Variants in SPAG16 observed in about 807,000 individuals in gnomAD.
SPAG16 encodes the protein sperm-associated antigen 16 protein.
Under a neutral mutation model 80.4 loss-of-function variants are expected in SPAG16, and 86 were observed. The ratio of observed to expected loss-of-function variants is 1.07; its 90% CI spans 0.90 to 1.28. SPAG16 has a LOEUF of 1.28. Ranked by LOEUF, SPAG16 falls within the 50% of genes most tolerant of loss-of-function variation. SPAG16 has a pLI of 0.00. For missense variants in SPAG16, 870 were observed against 765.3 expected (o/e 1.14, Z -1.61); for synonymous variants, 294 against 265.9 (o/e 1.11, Z -1.03).
intron 10 of SPAG16, among the ~76,000 whole-genome samples, chr2:213,809,013 A>T (rs990923083): frequency 1.3e-5 from 2 of 152,178 alleles, no homozygotes; most frequent in African/African-American, 4.8e-5. Context: ...AAAGATGTAA[A>T]AGGGCCTCTT....
At chr2:213,720,995 G>A (rs919203954) in intron 10 of SPAG16, among the ~76,000 whole-genome samples, 2 of 151,918 alleles carry the variant, frequency 1.3e-5, no homozygotes, top group East Asian at 1.9e-4. Flanking sequence ...CTCGTGATCC[G>A]CCCACCTCAG....
At position 214,024,636 on chromosome 2, in the gene SPAG16, T is replaced by C. The variant is rs76524910; in HGVS notation, c.1527+10559T>C. The stretch of plus-strand genomic sequence containing the variant: ...CCTTCTTTTGAATAATATCAGTGAG[T>C]ATTTCTTCCTTTTATTCAGATTGAT... On this transcript the variant is annotated intron_variant, in intron 13 of 15. Transcript: ENST00000331683. Among the ~76,000 whole-genome samples, 168 of 151,704 alleles carry C rather than the reference T, an allele frequency of 1.1e-3. 1 individual carries two copies. Among genetic ancestry groups the C allele is most frequent in the Non-Finnish European group, 1.7e-3 (113 of 67,622 alleles).
At chr2:213,360,004 T>C (rs999694243) in intron 7 of SPAG16, among the ~76,000 whole-genome samples, 1 of 152,122 alleles carries the variant, frequency 6.6e-6, no homozygotes. Context: ...ATAAATAAAA[T>C]GGAGAAGTTA....
chr2:214,319,754 C>T (rs1695971319), intron 15 of SPAG16, among the ~76,000 whole-genome samples: 1 of 152,124 alleles, frequency 6.6e-6, no homozygotes, highest in Admixed American at 6.6e-5. Context: ...TCATACAATG[C>T]CTGGAACACA....
intron 10 of SPAG16, among the ~76,000 whole-genome samples, chr2:213,682,867 G>A (rs13026541): frequency 0.27 from 41,479 of 152,094 alleles, 6,457 homozygotes; most frequent in Middle Eastern, 0.41. Flanking sequence ...TAAAATTGCT[G>A]TGTTTGTCCT....
At chr2:213,839,278 C>A (rs1266017113) in intron 10 of SPAG16, among the ~76,000 whole-genome samples, 2 of 152,162 alleles carry the variant, frequency 1.3e-5, no homozygotes, top group Non-Finnish European at 2.9e-5. Flanking sequence ...TTAGTTGAAT[C>A]TTTTGCTCTT....
chr2:213,442,321 C>A (rs902643237), intron 9 of SPAG16, among the ~76,000 whole-genome samples: 7 of 152,138 alleles, frequency 4.6e-5, no homozygotes, highest in African/African-American at 1.7e-4. Context: ...TAGCAAGACT[C>A]AATATTGTCA....
chr2:214,074,600 C>T (rs890285840), intron 13 of SPAG16, among the ~76,000 whole-genome samples: 2 of 151,952 alleles, frequency 1.3e-5, no homozygotes, highest in Admixed American at 6.5e-5. Flanking sequence ...CATTCATTAA[C>T]GCCATTATGA....
At chr2:214,214,860 T>C (rs1048567523) in intron 15 of SPAG16, among the ~76,000 whole-genome samples, 1 of 151,226 alleles carries the variant, frequency 6.6e-6, no homozygotes, top group African/African-American at 2.4e-5. Context: ...AACCTGGCTT[T>C]TTCTACCATC....
intron 10 of SPAG16, among the ~76,000 whole-genome samples, chr2:213,549,012 A>G (rs2076703288): frequency 6.6e-6 from 1 of 151,856 alleles, no homozygotes; most frequent in Non-Finnish European, 1.5e-5. Flanking sequence ...TAAAACTTTT[A>G]TAATTATTCT....
intron 10 of SPAG16, among the ~76,000 whole-genome samples, chr2:213,537,479 T>A (rs532108195): frequency 8.8e-4 from 129 of 147,218 alleles, no homozygotes; most frequent in Middle Eastern, 3.5e-3. Flanking sequence ...TTTTATAATT[T>A]AAAAAAAAAA....
intron 11 of SPAG16, among the ~76,000 whole-genome samples, chr2:213,883,509 T>C (rs1237286587): frequency 6.6e-6 from 1 of 152,158 alleles, no homozygotes; most frequent in East Asian, 1.9e-4. Context: ...GAATGTTCAG[T>C]AGATGTTTAT....
chr2:213,407,596 GGAGAGAGAGA>G (rs66674310), intron 9 of SPAG16, among the ~76,000 whole-genome samples: 1,042 of 102,008 alleles, frequency 0.01, 22 homozygotes, highest in African/African-American at 0.035. Context: ...GAGAGAGACA[GGAGAGAGAGA>G]GAGAGAGAGA....
At chr2:214,141,405 T>C (rs2125537864) in intron 14 of SPAG16, among the ~76,000 whole-genome samples, 1 of 151,298 alleles carries the variant, frequency 6.6e-6, no homozygotes, top group Admixed American at 6.6e-5. Flanking sequence ...AGGCAGAGGT[T>C]GCAATGAGCC....
chr2:213,574,455 A>C (rs1472192369), intron 10 of SPAG16, among the ~76,000 whole-genome samples: 4 of 152,042 alleles, frequency 2.6e-5, no homozygotes, highest in African/African-American at 9.7e-5. Flanking sequence ...TTGACATTTA[A>C]GGAGCTAAAC....
intron 14 of SPAG16, among the ~76,000 whole-genome samples, chr2:214,136,839 T>C (rs764244419): frequency 2.7e-4 from 41 of 152,310 alleles, no homozygotes; most frequent in Middle Eastern, 3.4e-3. Context: ...CTAAAAATGT[T>C]TGAAATACTA....
In SPAG16 at chr2:213,620,528, G is replaced by A. The variant is rs559000214; in HGVS notation, c.1070+130438G>A. Among the ~76,000 whole-genome samples, 6 of 151,970 alleles carry A rather than the reference G, an allele frequency of 3.9e-5. No individual in the cohort carries two copies. The South Asian group carries it at 1.2e-3, about 32-fold the overall frequency. On this transcript the variant is annotated intron_variant, in intron 10 of 15. Transcript: ENST00000331683. ...AGGATGGTCTCGATCTCTTGACCTC[G>A]TGATCCACCTGTCTCAGCCTCCTAA... is the stretch of plus-strand genomic sequence containing the variant.
intron 12 of SPAG16, among the ~76,000 whole-genome samples, chr2:213,955,053 C>A (rs971535390): frequency 6.6e-6 from 1 of 151,738 alleles, no homozygotes; most frequent in African/African-American, 2.4e-5. Context: ...TCTTTTATTT[C>A]TTTTTTTATT....
At chr2:213,374,975 T>G (rs1256389208) in intron 8 of SPAG16, 35 bp from the exon 9 acceptor site, 1 of 1,458,140 alleles carries the variant, frequency 6.9e-7, no homozygotes, top group South Asian at 1.3e-5. Context: ...CGATAAACAG[T>G]GCAAATATTA....
Sources: gnomAD v4.1 joint callset for allele counts (sites outside exome capture counted in the v4.1 genomes callset) on GRCh38, gnomAD v4.1.1 for gene constraint, MANE v1.5 for transcripts, NCBI Gene and HGNC (gene_info 2026-07-23, HGNC 2026-07-21) for gene names.